The following GDPD5 variants were observed in gnomAD, a reference collection of about 807,000 sequenced individuals.
GDPD5 encodes glycerophosphodiester phosphodiesterase 2.
GDPD5 carries 48 observed loss-of-function variants against 75.1 expected under a neutral mutation model. That is an observed-to-expected ratio of 0.64 (90% CI 0.51 to 0.81). GDPD5 has a LOEUF of 0.81. GDPD5 is among the 40% of genes least tolerant of loss of function. The pLI is 0.00. For synonymous variants in GDPD5, 336 were observed against 339.0 expected, an observed-to-expected ratio of 0.99 and a Z score of 0.10; for missense variants, 706 against 822.6, an observed-to-expected ratio of 0.86 and a Z score of 1.73.
intron 4 of GDPD5, among the ~76,000 whole-genome samples, chr11:75,462,474 G>A (rs192331519): frequency 5.3e-5 from 8 of 152,270 alleles, no homozygotes; most frequent in Admixed American, 2.6e-4. Context: ...CCCTGAGTTC[G>A]CAGTAGGACT....
chr11:75,461,384 T>C lies in GDPD5; in HGVS notation c.221+1402A>G, dbSNP rs531154441. On this transcript the variant is annotated intron_variant, in intron 4 of 16. Transcript: ENST00000336898. ...CTGCCAGGGCTCCGGCTCATCTTGC[T>C]TGGCTGCCGCAGGGCAGGGGTGGGA... Among the ~76,000 whole-genome samples the C allele has an allele frequency of 2.0e-5, 3 of 152,310 alleles. No homozygotes were observed. The South Asian group carries it at 6.2e-4, about 32-fold the overall frequency.
Position 75,443,283 on chromosome 11 carries a change from C to A in GDPD5, c.801G>T (p.Leu267=). Residue 267 remains leucine (L), a synonymous_variant, in exon 11 of 17, where the codon CTG becomes CTT. Transcript: ENST00000336898. Reference sequence around the variant, plus strand: ...CATGCATGAGGAAGGGCACGCCGTCCAGGCTGCAGGGAGGGTGGGGCCACC... The same window carrying A: ...CATGCATGAGGAAGGGCACGCCGTCAAGGCTGCAGGGAGGGTGGGGCCACC... ...YGLQADITIS[L]DGVPFLMHDT... The A allele has an allele frequency of 6.2e-7, 1 of 1,606,820 alleles. No individual in the cohort carries two copies. The highest frequency in any genetic ancestry group is 1.1e-5 in the South Asian group (1 of 89,298).
At chr11:75,500,119 C>T (rs1424862509) in intron 1 of GDPD5, among the ~76,000 whole-genome samples, 2 of 152,176 alleles carry the variant, frequency 1.3e-5, no homozygotes, top group African/African-American at 4.8e-5. Context: ...AGGCACCCTC[C>T]CTGCCCCTGG....
At chr11:75,465,677 C>T (rs1949500037) in intron 3 of GDPD5, among the ~76,000 whole-genome samples, 2 of 152,226 alleles carry the variant, frequency 1.3e-5, no homozygotes, top group South Asian at 4.1e-4. Flanking sequence ...AGTACCTAGT[C>T]TTCTATAGAG....
At chr11:75,502,531 T>C (rs868204819) in intron 1 of GDPD5, among the ~76,000 whole-genome samples, 1 of 152,244 alleles carries the variant, frequency 6.6e-6, no homozygotes, top group South Asian at 2.1e-4. Context: ...CTGTAGCAGA[T>C]GGTATTTCCA....
At chr11:75,467,059 C>T (rs1031626393) in intron 3 of GDPD5, among the ~76,000 whole-genome samples, 7 of 152,216 alleles carry the variant, frequency 4.6e-5, no homozygotes, top group African/African-American at 7.2e-5. Flanking sequence ...TTCAGGAAGC[C>T]TTTCCATCCC....
intron 3 of GDPD5, among the ~76,000 whole-genome samples, chr11:75,464,422 G>C (rs977317890): frequency 1.3e-5 from 2 of 152,198 alleles, no homozygotes; most frequent in Admixed American, 1.3e-4. Context: ...CCAGAACGTA[G>C]GAAAGGCCTT....
At chr11:75,462,686 G>C (rs1406481247) in intron 4 of GDPD5, 100 bp downstream of exon 4, 5 of 904,394 alleles carry the variant, frequency 5.5e-6, no homozygotes, top group Non-Finnish European at 8.8e-6. Flanking sequence ...GAGCTCAGAG[G>C]GCCAACCTGG....
intron 12 of GDPD5, 138 bp downstream of exon 12, chr11:75,442,225 G>A (rs1735064678): frequency 1.5e-6 from 1 of 655,928 alleles, no homozygotes; most frequent in Non-Finnish European, 2.6e-6. Flanking sequence ...GACCCTGCCA[G>A]GGAAGTGAGC....
At chr11:75,461,941 G>A (rs1356689954) in intron 4 of GDPD5, among the ~76,000 whole-genome samples, 2 of 152,168 alleles carry the variant, frequency 1.3e-5, no homozygotes, top group Non-Finnish European at 1.5e-5. Flanking sequence ...AAAGGCAGGC[G>A]ATGGAATGGC....
chr11:75,483,566 C>G (rs541811359), intron 2 of GDPD5, among the ~76,000 whole-genome samples: 1 of 152,290 alleles, frequency 6.6e-6, no homozygotes, highest in Middle Eastern at 3.4e-3. Flanking sequence ...CCTGGTCACC[C>G]TCAACTGAAT....
At chr11:75,508,833 C>T (rs968690923) in intron 1 of GDPD5, 6 of 152,142 alleles carry the variant, frequency 3.9e-5, no homozygotes, top group Non-Finnish European at 8.8e-5. Flanking sequence ...TGAGAGGGAC[C>T]CCCAGAATTC....
At chr11:75,462,927 G>C (rs1208424839) in intron 3 of GDPD5, 38 bp from the exon 4 acceptor site, 1 of 1,550,880 alleles carries the variant, frequency 6.4e-7, no homozygotes, top group Non-Finnish European at 8.9e-7. Flanking sequence ...AGTGGGTCAG[G>C]GGCCAGCCCC....
intron 2 of GDPD5, among the ~76,000 whole-genome samples, chr11:75,478,065 T>C (rs1949818231): frequency 6.6e-6 from 1 of 152,186 alleles, no homozygotes; most frequent in South Asian, 2.1e-4. Flanking sequence ...ATGCTGCTGT[T>C]CCCTCTGCCT....
chr11:75,448,917 A>C (rs1230817962), intron 9 of GDPD5, 60 bp downstream of exon 9: 2 of 1,494,648 alleles, frequency 1.3e-6, no homozygotes, highest in African/African-American at 2.9e-5. Context: ...TTTCCCAAGA[A>C]GGTCCCCCCC....
intron 3 of GDPD5, among the ~76,000 whole-genome samples, chr11:75,477,030 C>T (rs759363673): frequency 6.6e-6 from 1 of 152,240 alleles, no homozygotes; most frequent in Non-Finnish European, 1.5e-5. Flanking sequence ...AAACACCACA[C>T]AGGAATTGGG....
intron 2 of GDPD5, among the ~76,000 whole-genome samples, chr11:75,487,380 C>T (rs1236712830): frequency 1.3e-5 from 2 of 152,134 alleles, no homozygotes; most frequent in Non-Finnish European, 2.9e-5. Context: ...GGGCAGCTGC[C>T]AGTGGGGAGA....
chr11:75,456,952 G>A, intron 5 of GDPD5, 136 bp from the exon 6 acceptor site: 1 of 795,730 alleles, frequency 1.3e-6, no homozygotes, highest in Non-Finnish European at 2.1e-6. Context: ...TCCAGGCGAT[G>A]GGAATGCGCT....
intron 4 of GDPD5, among the ~76,000 whole-genome samples, chr11:75,459,466 G>A (rs961237106): frequency 2.6e-5 from 4 of 151,994 alleles, no homozygotes; most frequent in African/African-American, 4.8e-5. Flanking sequence ...ACTGTGGCTG[G>A]TGGGATTGAA....
Sources: allele counts gnomAD v4.1 joint callset (sites outside exome capture counted in the v4.1 genomes callset), GRCh38; gene constraint gnomAD v4.1.1; transcripts MANE v1.5; gene names NCBI Gene and HGNC (gene_info 2026-07-23, HGNC 2026-07-21).